The following SYNE2 variants were observed in gnomAD, a reference collection of about 807,000 sequenced individuals.
The protein encoded by SYNE2 is nesprin-2.
A neutral mutation model predicts 856.3 loss-of-function variants in SYNE2; 431 were observed. The ratio of observed to expected loss-of-function variants is 0.50; its 90% CI spans 0.47 to 0.55. The LOEUF is 0.55. Among genes scored for constraint, SYNE2 ranks in the 20% least tolerant of loss-of-function variants. The probability of loss-of-function intolerance (pLI) is 0.00; values close to 1 mark genes in which losing one functional copy is unlikely to be tolerated. For synonymous variants in SYNE2, 2,923 were observed against 2,872.3 expected, an observed-to-expected ratio of 1.02 and a Z score of -0.56; for missense variants, 8,129 against 8,023.2, an observed-to-expected ratio of 1.01 and a Z score of -0.50.
At chr14:64,123,830 G>T (rs10137426) in intron 70 of SYNE2, among the ~76,000 whole-genome samples, 6 of 151,648 alleles carry the variant, frequency 4.0e-5, no homozygotes, top group Non-Finnish European at 5.9e-5. Context: ...GCCCTGTAGC[G>T]TGAATGTTGT....
upstream of SYNE2, among the ~76,000 whole-genome samples, chr14:63,852,506 C>T (rs147728622): frequency 6.6e-6 from 1 of 152,218 alleles, no homozygotes; most frequent in South Asian, 2.1e-4. Flanking sequence ...TCCAGGTGAC[C>T]CCAAGATCCG....
At chr14:63,830,167 C>T (rs1474621659) in intron 1 of SYNE2, among the ~76,000 whole-genome samples, 2 of 151,826 alleles carry the variant, frequency 1.3e-5, no homozygotes, top group South Asian at 4.2e-4. Context: ...ATGCAATGTC[C>T]AGATTAGGGA....
chr14:64,224,441 C>T lies in SYNE2; in HGVS notation c.20383-20C>T, dbSNP rs1409007506. 19 of 1,597,362 alleles carry T rather than the reference C, an allele frequency of 1.2e-5. No homozygotes were observed. Among genetic ancestry groups the T allele is most frequent in the Non-Finnish European group, 1.6e-5 (19 of 1,168,868 alleles). ...CATGAAACACATTTCTGTGCTCAAC[C>T]TTTGGGGTCTGAATTTCAGAACCCA... On this transcript the variant is annotated intron_variant, in intron 113 of 115. Coordinates refer to ENST00000555002, the MANE Select transcript of SYNE2 (RefSeq NM_182914.3).
intron 1 of SYNE2, among the ~76,000 whole-genome samples, chr14:63,895,633 T>C (rs935218282): frequency 7.0e-6 from 1 of 143,468 alleles, no homozygotes; most frequent in African/African-American, 2.6e-5. Flanking sequence ...GCTGGGCAGG[T>C]GGTGTGTGCC....
chr14:64,021,629 C>A, intron 36 of SYNE2, 114 bp downstream of exon 36: 1 of 1,345,542 alleles, frequency 7.4e-7, no homozygotes, highest in Non-Finnish European at 1.0e-6. Context: ...GAAGAAAACT[C>A]AGAAAAACCG....
chr14:64,198,675 T>C (rs913816644), intron 99 of SYNE2, among the ~76,000 whole-genome samples: 1 of 152,202 alleles, frequency 6.6e-6, no homozygotes, highest in African/African-American at 2.4e-5. Flanking sequence ...ATGCCTGTGA[T>C]GTGAATGTCC....
intron 1 of SYNE2, among the ~76,000 whole-genome samples, chr14:63,825,682 T>A (rs11158513): frequency 6.6e-5 from 10 of 151,762 alleles, no homozygotes; most frequent in Admixed American, 3.9e-4. Flanking sequence ...GAAACCAGCC[T>A]GGTCAACATG....
chr14:63,839,142 G>A, intron 1 of SYNE2, among the ~76,000 whole-genome samples: 1 of 151,868 alleles, frequency 6.6e-6, no homozygotes, highest in East Asian at 1.9e-4. Flanking sequence ...TGATTCTCCT[G>A]CCTCAGCCTC....
At chr14:64,130,299 G>A in intron 76 of SYNE2, 51 bp downstream of exon 76, 1 of 1,468,374 alleles carries the variant, frequency 6.8e-7, no homozygotes, top group Non-Finnish European at 9.4e-7. Context: ...AAAATCTTAA[G>A]GTATTTCTGA....
chr14:63,803,561 C>T (rs1454727044), intron 1 of SYNE2, among the ~76,000 whole-genome samples: 1 of 152,204 alleles, frequency 6.6e-6, no homozygotes, highest in Non-Finnish European at 1.5e-5. Context: ...GCTCCGAGTG[C>T]GGGGCCCGCC....
intron 1 of SYNE2, among the ~76,000 whole-genome samples, chr14:63,876,705 C>G (rs1265915270): frequency 1.3e-5 from 2 of 152,278 alleles, no homozygotes; most frequent in East Asian, 3.9e-4. Flanking sequence ...CCAGGATGGT[C>G]TCGATCTCCT....
At chr14:64,188,986 C>T (rs2098504936) in intron 98 of SYNE2, 4 of 702,258 alleles carry the variant, frequency 5.7e-6, no homozygotes, top group Non-Finnish European at 1.0e-5. Flanking sequence ...CTTACATATC[C>T]TTACATGTCA....
intron 77 of SYNE2, among the ~76,000 whole-genome samples, chr14:64,132,686 G>A (rs2098034668): frequency 6.6e-6 from 1 of 152,164 alleles, no homozygotes; most frequent in Non-Finnish European, 1.5e-5. Context: ...GTATGAATAA[G>A]CAAAACGATA....
chr14:64,037,874 G>A (rs1309293278), intron 45 of SYNE2, among the ~76,000 whole-genome samples: 4 of 151,166 alleles, frequency 2.6e-5, no homozygotes, highest in East Asian at 2.0e-4. Context: ...CGGACGGGGC[G>A]GCTGGCCGGG....
intron 105 of SYNE2, among the ~76,000 whole-genome samples, chr14:64,213,354 A>G (rs1056479284): frequency 2.6e-5 from 4 of 152,132 alleles, no homozygotes; most frequent in African/African-American, 9.7e-5. Context: ...TTAGGAATGT[A>G]TTTGCCCTTC....
chr14:63,773,373 T>C (rs1236420075), intron 1 of SYNE2, among the ~76,000 whole-genome samples: 4 of 151,696 alleles, frequency 2.6e-5, no homozygotes, highest in Admixed American at 6.6e-5. Context: ...AGAATTTTTG[T>C]ATATTTTGTA....
In SYNE2 at chr14:64,220,540, A is replaced by T. The variant is rs149978500; in HGVS notation, c.19964A>T (p.Gln6655Leu). 3.0e-3 allele frequency: 4,769 copies of T among 1,614,118 alleles called. 9 individuals carry two copies. Among genetic ancestry groups the T allele is most frequent in the Middle Eastern group, 0.014 (84 of 6,062 alleles). ...GAGAGCCCCGAATCCACAGAGCTCC[A>T]AAGTAGACTCCGCCAGCTGAGCCTG... ...QTESPESTEL[Q>L]SRLRQLSLLW... Residue 6655 changes from glutamine (Q) to leucine (L), a missense_variant, in exon 111 of 116, where the codon CAA becomes CTA. By Grantham distance (113) the Gln-to-Leu change is moderately radical. This residue lies in a region of SYNE2 where 5,410 missense variants were observed against 5,284.8 expected (regional missense o/e 1.02). Coordinates refer to ENST00000555002, the MANE Select transcript of SYNE2 (RefSeq NM_182914.3).
intron 65 of SYNE2, among the ~76,000 whole-genome samples, 199 bp downstream of exon 65, chr14:64,107,806 A>G (rs146368057): frequency 1.3e-5 from 2 of 152,254 alleles, no homozygotes; most frequent in Admixed American, 6.5e-5. Context: ...TAGGCATGGC[A>G]TAGAGAATTA....
chr14:64,048,967 A>C lies in SYNE2; in HGVS notation c.7378-644A>C, dbSNP rs545967074. On this transcript the variant is annotated intron_variant, in intron 46 of 115. Transcript: ENST00000555002. ...CCCATGCAATTTTAGCTAAGTTTCC[A>C]CAACAATAAACACGCATCTAAAATA... 5 of 151,988 alleles carry C rather than the reference A, an allele frequency of 3.3e-5. No individual in the cohort carries two copies. In the East Asian group the frequency reaches 9.6e-4, roughly 29 times the overall value. 9.4% of individuals were successfully genotyped at this position (151,988 alleles called of 1,614,324 possible).
Sources: allele counts gnomAD v4.1 joint callset (sites outside exome capture counted in the v4.1 genomes callset), GRCh38; gene constraint gnomAD v4.1.1; regional missense constraint gnomAD v4.1.1; transcripts MANE v1.5; gene names NCBI Gene and HGNC (gene_info 2026-07-23, HGNC 2026-07-21).